Variants in DLG2 observed in about 807,000 individuals in gnomAD.
DLG2 encodes the protein discs large MAGUK scaffold protein 2.
A neutral mutation model predicts 132.5 loss-of-function variants in DLG2; 45 were observed. That is an observed-to-expected ratio of 0.34 (90% CI 0.27 to 0.44). The LOEUF is 0.44. DLG2 is among the 20% of genes least tolerant of loss of function. DLG2 has a pLI of 1.00. For synonymous variants in DLG2, 424 were observed against 419.6 expected (o/e 1.01, Z -0.13); for missense variants, 1,045 against 1,196.9 (o/e 0.87, Z 1.87).
intron 3 of DLG2, among the ~76,000 whole-genome samples, chr11:85,354,523 G>A (rs904636803): frequency 6.6e-6 from 1 of 151,682 alleles, no homozygotes; most frequent in African/African-American, 2.4e-5. Context: ...ACAATTCCTG[G>A]GTCTTATCTC....
chr11:84,662,785 A>AC lies in DLG2; in HGVS notation c.358-128055dup, dbSNP rs1200359025. On this transcript the variant is annotated intron_variant, in intron 6 of 27. Coordinates refer to ENST00000376104, the MANE Select transcript of DLG2 (RefSeq NM_001142699.3). ...CTGGTCAATAGAGCAAGACTCTGTC[A>AC]CAAAAAAAAAAAAAAAAAAAAAGGC... Among the ~76,000 whole-genome samples, 41 of 112,894 alleles carry AC rather than the reference A, an allele frequency of 3.6e-4. No homozygotes were observed. The East Asian group carries it at 7.9e-3, about 22-fold the overall frequency. 74.1% of individuals were successfully genotyped at this position (112,894 alleles called of 152,430 possible). A position where few individuals can be genotyped will look rare whatever the true frequency, so the allele number is the denominator to read the frequency against.
intron 6 of DLG2, among the ~76,000 whole-genome samples, chr11:84,732,788 C>A (rs1479607445): frequency 1.4e-5 from 2 of 141,220 alleles, no homozygotes; most frequent in African/African-American, 5.1e-5. Context: ...TGCTATCCCT[C>A]CCCCCACCCA....
At chr11:84,871,018 TTG>T (rs1349537577) in intron 6 of DLG2, among the ~76,000 whole-genome samples, 6 of 152,218 alleles carry the variant, frequency 3.9e-5, no homozygotes, top group African/African-American at 9.7e-5. Context: ...TGTATCATGA[TTG>T]CAGCTAACAA....
At chr11:84,323,025 T>G (rs2098413075) in intron 7 of DLG2, among the ~76,000 whole-genome samples, 2 of 152,142 alleles carry the variant, frequency 1.3e-5, no homozygotes, top group Non-Finnish European at 2.9e-5. Flanking sequence ...AGTATTTTCT[T>G]TAGTTTTTTT....
intron 6 of DLG2, among the ~76,000 whole-genome samples, chr11:84,637,427 G>T (rs997338790): frequency 1.3e-5 from 2 of 152,286 alleles, no homozygotes; most frequent in South Asian, 2.1e-4. Flanking sequence ...TCATGACTTT[G>T]ACTAAGATGA....
chr11:85,064,351 G>T (rs987557681), intron 6 of DLG2, among the ~76,000 whole-genome samples: 1 of 151,678 alleles, frequency 6.6e-6, no homozygotes, highest in South Asian at 2.1e-4. Flanking sequence ...ATGCACATTT[G>T]CCTATATATA....
intron 6 of DLG2, among the ~76,000 whole-genome samples, chr11:85,029,987 G>T (rs1592954602): frequency 6.6e-6 from 1 of 152,128 alleles, no homozygotes; most frequent in South Asian, 2.1e-4. Context: ...AACCAATCCA[G>T]TTGTTTCTGT....
intron 7 of DLG2, among the ~76,000 whole-genome samples, chr11:84,313,005 C>A (rs1398271681): frequency 6.6e-6 from 1 of 151,664 alleles, no homozygotes; most frequent in Non-Finnish European, 1.5e-5. Context: ...AGAGACGGGG[C>A]TTCACCATGT....
chr11:84,313,277 G>A (rs1355189023), intron 7 of DLG2, among the ~76,000 whole-genome samples: 1 of 151,726 alleles, frequency 6.6e-6, no homozygotes, highest in Non-Finnish European at 1.5e-5. Context: ...ACTACGCCGG[G>A]CTAATTTTTG....
At chr11:84,832,607 C>A (rs12361357) in intron 6 of DLG2, among the ~76,000 whole-genome samples, 14,683 of 151,568 alleles carry the variant, frequency 0.097, 883 homozygotes, top group Non-Finnish European at 0.12. Flanking sequence ...TGTAATAATT[C>A]TTAGGCCTGA....
chr11:84,152,569 G>A (rs2095326350), intron 9 of DLG2, among the ~76,000 whole-genome samples: 1 of 151,890 alleles, frequency 6.6e-6, no homozygotes, highest in Admixed American at 6.6e-5. Context: ...TGTATTTTTA[G>A]TAGAGATGGG....
chr11:85,349,401 C>A (rs2083105375), intron 3 of DLG2, among the ~76,000 whole-genome samples: 1 of 151,646 alleles, frequency 6.6e-6, no homozygotes, highest in Admixed American at 6.6e-5. Flanking sequence ...GCAACCACAC[C>A]TGGATGGACT....
intron 6 of DLG2, among the ~76,000 whole-genome samples, chr11:84,871,510 T>C (rs2085454652): frequency 6.6e-6 from 1 of 152,130 alleles, no homozygotes; most frequent in Non-Finnish European, 1.5e-5. Flanking sequence ...ATAGTGAAGC[T>C]TGAGGAAACC....
chr11:83,460,986 A>G, intron 27 of DLG2, among the ~76,000 whole-genome samples: 1 of 149,822 alleles, frequency 6.7e-6, no homozygotes, highest in East Asian at 1.9e-4. Flanking sequence ...TAATCCAGGA[A>G]GAAAGTTCTT....
rs185489778 is a variant in DLG2, at chr11:85,566,228, A to G, written c.40+32429T>C. ...TTTATGTTAATCCATAGAATTCTTTACATATTCTGAATACTAGACCCTTAT... is the reference window on the plus strand; with the variant it reads ...TTTATGTTAATCCATAGAATTCTTTGCATATTCTGAATACTAGACCCTTAT... On this transcript the variant is annotated intron_variant, in intron 3 of 27. Transcript: ENST00000376104. Among the ~76,000 whole-genome samples, 14 of 152,234 alleles carry G rather than the reference A, an allele frequency of 9.2e-5. 1 individual carries two copies. The East Asian group carries it at 2.7e-3, about 29-fold the overall frequency.
At chr11:84,220,795 T>G (rs1408568273) in intron 8 of DLG2, among the ~76,000 whole-genome samples, 1 of 141,328 alleles carries the variant, frequency 7.1e-6, no homozygotes, top group Non-Finnish European at 1.5e-5. Context: ...TTTTTTTTTT[T>G]TTTTTTGACA....
intron 9 of DLG2, among the ~76,000 whole-genome samples, chr11:84,155,930 T>C (rs1029335499): frequency 6.6e-6 from 1 of 152,148 alleles, no homozygotes; most frequent in Non-Finnish European, 1.5e-5. Context: ...ATAATCATTT[T>C]TATGTTTTAA....
intron 6 of DLG2, among the ~76,000 whole-genome samples, chr11:84,537,534 T>G (rs186489505): frequency 2.0e-4 from 31 of 152,382 alleles, no homozygotes; most frequent in African/African-American, 6.7e-4. Flanking sequence ...TTGACCATTT[T>G]AACCATTTTT....
chr11:84,664,055 G>A (rs1165425559), intron 6 of DLG2, among the ~76,000 whole-genome samples: 1 of 152,114 alleles, frequency 6.6e-6, no homozygotes, highest in East Asian at 1.9e-4. Context: ...GAACAACAAC[G>A]ACTATTTTAT....
Sources: gnomAD v4.1 joint callset for allele counts (sites outside exome capture counted in the v4.1 genomes callset) on GRCh38, gnomAD v4.1.1 for gene constraint, MANE v1.5 for transcripts, NCBI Gene and HGNC (gene_info 2026-07-23, HGNC 2026-07-21) for gene names.